The following KIF16B variants were observed in gnomAD, a reference collection of about 807,000 sequenced individuals.
KIF16B encodes the protein kinesin-like protein KIF16B.
A neutral mutation model predicts 156.3 loss-of-function variants in KIF16B; 98 were observed. The ratio of observed to expected loss-of-function variants is 0.63; its 90% confidence interval spans 0.53 to 0.74. KIF16B has a LOEUF of 0.74. Ranked by LOEUF, KIF16B falls within the 30% of genes least tolerant of loss-of-function variation. KIF16B has a pLI of 0.00. For synonymous variants in KIF16B, 564 were observed against 583.7 expected (o/e 0.97, Z 0.49); for missense variants, 1,421 against 1,606.5 (o/e 0.88, Z 1.97).
intron 15 of KIF16B, among the ~76,000 whole-genome samples, chr20:16,413,647 C>T (rs1373208127): frequency 5.3e-5 from 8 of 151,976 alleles, no homozygotes; most frequent in Non-Finnish European, 8.8e-5. Context: ...AAATGAGAGG[C>T]CCTTTGTAAT....
intron 12 of KIF16B, among the ~76,000 whole-genome samples, chr20:16,478,927 A>G (rs2067897112): frequency 6.6e-6 from 1 of 152,232 alleles, no homozygotes; most frequent in African/African-American, 2.4e-5. Context: ...ACACCTACTC[A>G]ATAACCCAGC....
At chr20:16,319,013 G>A (rs771510203) in intron 24 of KIF16B, among the ~76,000 whole-genome samples, 1 of 152,096 alleles carries the variant, frequency 6.6e-6, no homozygotes, top group African/African-American at 2.4e-5. Context: ...TGATAAAAAT[G>A]GCATTTTTAC....
At chr20:16,426,736 T>G (rs1228250493) in intron 15 of KIF16B, among the ~76,000 whole-genome samples, 1 of 152,134 alleles carries the variant, frequency 6.6e-6, no homozygotes, top group South Asian at 2.1e-4. Flanking sequence ...TCTATGTATG[T>G]TACAATTATA....
chr20:16,312,281 G>T, intron 25 of KIF16B, 54 bp downstream of exon 25: 1 of 1,290,202 alleles, frequency 7.8e-7, no homozygotes, highest in Non-Finnish European at 1.1e-6. Flanking sequence ...ATTCTTACCG[G>T]TCAGATGGTA....
chr20:16,543,294 G>C (rs2070276010), intron 1 of KIF16B, among the ~76,000 whole-genome samples: 1 of 152,156 alleles, frequency 6.6e-6, no homozygotes, highest in African/African-American at 2.4e-5. Context: ...TCTGAATGGA[G>C]CCCAACCCAC....
intron 23 of KIF16B, among the ~76,000 whole-genome samples, chr20:16,345,003 T>G (rs1338479596): frequency 2.0e-5 from 3 of 152,214 alleles, no homozygotes; most frequent in Non-Finnish European, 4.4e-5. Context: ...TCTGCACTGC[T>G]TCCTATTACC....
chr20:16,433,413 G>C (rs2066556358), intron 12 of KIF16B, among the ~76,000 whole-genome samples: 1 of 151,432 alleles, frequency 6.6e-6, no homozygotes, highest in Admixed American at 6.6e-5. Context: ...ACTACAGAAA[G>C]TGCTTTGGAC....
chr20:16,492,451 TCTC>T (rs1198044230), intron 12 of KIF16B, among the ~76,000 whole-genome samples: 1 of 152,180 alleles, frequency 6.6e-6, no homozygotes, highest in Non-Finnish European at 1.5e-5. Context: ...GAAATAGCAT[TCTC>T]CTTTCTCATA....
intron 17 of KIF16B, among the ~76,000 whole-genome samples, chr20:16,392,901 A>G (rs1183435609): frequency 6.6e-6 from 1 of 152,240 alleles, no homozygotes; most frequent in African/African-American, 2.4e-5. Flanking sequence ...GCAGACCAAG[A>G]TTTATATAAA....
chr20:16,523,537 A>T (rs2069425528), intron 3 of KIF16B, among the ~76,000 whole-genome samples: 1 of 152,220 alleles, frequency 6.6e-6, no homozygotes, highest in Non-Finnish European at 1.5e-5. Context: ...ATAAGAGAGG[A>T]CACAAACAAA....
chr20:16,398,756 A>G (rs2065576422), intron 17 of KIF16B, among the ~76,000 whole-genome samples: 1 of 152,164 alleles, frequency 6.6e-6, no homozygotes, highest in African/African-American at 2.4e-5. Context: ...TTGCGGAAGG[A>G]AAAAAATTCC....
intron 15 of KIF16B, among the ~76,000 whole-genome samples, chr20:16,409,964 T>TACACAC (rs2065880669): frequency 6.4e-5 from 2 of 31,110 alleles, no homozygotes; most frequent in African/African-American, 2.8e-4. Flanking sequence ...TATATATATA[T>TACACAC]ATATACATAT....
At chr20:16,466,391 C>T (rs569361349) in intron 12 of KIF16B, among the ~76,000 whole-genome samples, 35 of 152,344 alleles carry the variant, frequency 2.3e-4, no homozygotes, top group Non-Finnish European at 4.6e-4. Flanking sequence ...TGTGTCCCCA[C>T]CCAAATCTCA....
intron 12 of KIF16B, among the ~76,000 whole-genome samples, chr20:16,448,641 A>G (rs1012752738): frequency 6.6e-6 from 1 of 152,226 alleles, no homozygotes; most frequent in African/African-American, 2.4e-5. Flanking sequence ...ATCAACCAAC[A>G]TCAATGACCA....
intron 24 of KIF16B, among the ~76,000 whole-genome samples, chr20:16,316,235 C>T (rs943625363): frequency 1.3e-5 from 2 of 152,162 alleles, no homozygotes; most frequent in South Asian, 2.1e-4. Context: ...CCATCAGCTG[C>T]GTTATCTGCC....
chr20:16,323,240 AC>A (rs1253235079), intron 24 of KIF16B, among the ~76,000 whole-genome samples: 1 of 152,032 alleles, frequency 6.6e-6, no homozygotes, highest in East Asian at 1.9e-4. Flanking sequence ...AAAAAATACA[AC>A]ATAGCACTCG....
Position 16,303,136 on chromosome 20 carries a change from C to T in KIF16B, c.3795+9199G>A, listed in dbSNP as rs2122618794. ...TGTTTGCTATGTATCAGGAACCTAT[C>T]CAAATATTTTATATGAATTATTTCA... On this transcript the variant is annotated intron_variant, in intron 25 of 25. Coordinates refer to ENST00000354981, the MANE Select transcript of KIF16B (RefSeq NM_024704.5). Among the ~76,000 whole-genome samples, 4 of 152,204 alleles carry T rather than the reference C, an allele frequency of 2.6e-5. No homozygotes were observed. In the Middle Eastern group the frequency reaches 0.01, roughly 391 times the overall value.
chr20:16,376,283 C>G (rs187401305), intron 19 of KIF16B, among the ~76,000 whole-genome samples: 7 of 152,146 alleles, frequency 4.6e-5, no homozygotes, highest in Admixed American at 1.3e-4. Flanking sequence ...TTACCTGATC[C>G]ATGTCAATGG....
At chr20:16,396,226 G>A (rs2065497278) in intron 17 of KIF16B, among the ~76,000 whole-genome samples, 1 of 152,020 alleles carries the variant, frequency 6.6e-6, no homozygotes, top group South Asian at 2.1e-4. Context: ...TAGGTTGCGC[G>A]CTCCTTATGA....
Sources: allele counts gnomAD v4.1 joint callset (sites outside exome capture counted in the v4.1 genomes callset), GRCh38; gene constraint gnomAD v4.1.1; transcripts MANE v1.5; gene names NCBI Gene and HGNC (gene_info 2026-07-23, HGNC 2026-07-21).